PPARA: variants seen among roughly 807,000 people sequenced by gnomAD.
The protein encoded by PPARA is peroxisome proliferator activated receptor alpha, also known as peroxisome proliferator-activated receptor alpha.
In PPARA, 22 loss-of-function variants were observed where a neutral mutation model predicts 42.2. That is an observed-to-expected ratio of 0.52 (90% CI 0.37 to 0.74). The LOEUF is 0.74. Among genes scored for constraint, PPARA ranks in the 30% least tolerant of loss-of-function variants. The pLI is 0.00. For synonymous variants in PPARA, 242 were observed against 239.3 expected (o/e 1.01, Z -0.10); for missense variants, 465 against 608.2 (o/e 0.76, Z 2.48).
intron 1 of PPARA, among the ~76,000 whole-genome samples, chr22:46,151,493 C>T (rs563080486): frequency 2.0e-5 from 3 of 152,378 alleles, no homozygotes; most frequent in Non-Finnish European, 4.4e-5. Flanking sequence ...CGCACCCCAA[C>T]CGGGCACAAC....
At chr22:46,210,296 C>T (rs544485295) in intron 4 of PPARA, among the ~76,000 whole-genome samples, 16 of 126,154 alleles carry the variant, frequency 1.3e-4, no homozygotes, top group South Asian at 4.8e-4. Flanking sequence ...GCAACAAGAG[C>T]GAAACTCCAT....
At chr22:46,157,943 A>G (rs1166719832) in intron 2 of PPARA, among the ~76,000 whole-genome samples, 1 of 152,236 alleles carries the variant, frequency 6.6e-6, no homozygotes, top group Non-Finnish European at 1.5e-5. Flanking sequence ...ATAGACCACA[A>G]GCCAACTTTC....
chr22:46,236,599 C>G lies in PPARA; in HGVS notation c.*1219C>G, dbSNP rs1936214811. On this transcript the variant is annotated 3_prime_UTR_variant, in exon 9 of 9. Coordinates refer to ENST00000407236, the MANE Select transcript of PPARA (RefSeq NM_005036.6). The surrounding 1 kb of genome is among the most constrained non-coding windows in gnomAD (Gnocchi z 5.2). ...CAGTGTTCCTCCGGGCCCCATTTGG[C>G]AGCTCCCGTATCTTTTGTTATGTTG... The G allele has an allele frequency of 6.6e-6, 1 of 152,642 alleles. No homozygotes were observed. Among genetic ancestry groups the G allele is most frequent in the South Asian group, 2.1e-4 (1 of 4,822 alleles). 9.5% of individuals were successfully genotyped at this position (152,642 alleles called of 1,614,324 possible).
intron 3 of PPARA, among the ~76,000 whole-genome samples, chr22:46,194,416 G>A (rs1931949170): frequency 1.3e-5 from 2 of 152,090 alleles, no homozygotes; most frequent in South Asian, 4.1e-4. Context: ...TTTATTGGTC[G>A]ATGCTCCTGG....
At chr22:46,197,403 G>A (rs1173338258) in intron 3 of PPARA, among the ~76,000 whole-genome samples, 2 of 152,108 alleles carry the variant, frequency 1.3e-5, no homozygotes, top group South Asian at 2.1e-4. Context: ...CATATTGTAC[G>A]GAGCTGCGAC....
At chr22:46,223,265 A>T (rs1935139290) in intron 7 of PPARA, among the ~76,000 whole-genome samples, 1 of 152,124 alleles carries the variant, frequency 6.6e-6, no homozygotes, top group Non-Finnish European at 1.5e-5. Context: ...GAGACCACCA[A>T]GCTCTAGGAA....
chr22:46,161,444 A>G lies in PPARA; in HGVS notation c.-127+9474A>G, dbSNP rs1926152153. On this transcript the variant is annotated intron_variant, in intron 2 of 8. Coordinates refer to ENST00000407236, the MANE Select transcript of PPARA (RefSeq NM_005036.6). This position sits in a 1 kb window ranked among gnomAD's most constrained non-coding sequence, Gnocchi z 4.8. Reference sequence around the variant, plus strand: ...CGTCTCTACTAAAAATACAAAATTTAGCTGGGCATGGTATGGCTGTAGTCC... The same window carrying G: ...CGTCTCTACTAAAAATACAAAATTTGGCTGGGCATGGTATGGCTGTAGTCC... Among the ~76,000 whole-genome samples, 1 of 152,100 alleles carries G rather than the reference A, an allele frequency of 6.6e-6. No individual in the cohort carries two copies. The highest frequency in any genetic ancestry group is 2.1e-4 in the South Asian group (1 of 4,820).
Position 46,198,543 on chromosome 22 carries a change from T to C in PPARA, c.160T>C (p.Tyr54His), listed in dbSNP as rs2147385978. ...TTCTGGAAGCTTTGGCTTTACGGAA[T>C]ACCAGTATTTAGGAAGCTGTCCTGG... ...DSSGSFGFTE[Y>H]QYLGSCPGSD... The change falls in exon 4 of 9, where the codon TAC (tyrosine) becomes CAC (histidine). Residue 54 changes from tyrosine (Y) to histidine (H), a missense_variant. Coordinates refer to ENST00000407236, the MANE Select transcript of PPARA (RefSeq NM_005036.6). 6.2e-7 allele frequency: 1 copy of C among 1,614,050 alleles called. No individual in the cohort carries two copies. The highest frequency in any genetic ancestry group is 8.5e-7 in the Non-Finnish European group (1 of 1,179,994).
rs1931120436 is a variant in PPARA at position 46,188,592 on chromosome 22, G to A, written c.-42-9750G>A. On this transcript the variant is annotated intron_variant, in intron 3 of 8. Coordinates refer to ENST00000407236, the MANE Select transcript of PPARA (RefSeq NM_005036.6). The surrounding 1 kb of genome is among the most constrained non-coding windows in gnomAD (Gnocchi z 5.0). ...CTGCATTTTTCTTCTTTATAAATGG[G>A]ACCAATAATACCTACCCTGCCCTGG... is the stretch of plus-strand genomic sequence containing the variant. The A allele has an allele frequency of 6.6e-6, 1 of 152,068 alleles. No individual in the cohort carries two copies. Among genetic ancestry groups the A allele is most frequent in the Non-Finnish European group, 1.5e-5 (1 of 68,020 alleles). The allele number at this position is 152,068 out of a possible 1,614,324, so 9.4% of individuals were successfully genotyped here. A position where few individuals can be genotyped will look rare whatever the true frequency, so the allele number is the denominator to read the frequency against.
At position 46,219,874 on chromosome 22, in the gene PPARA, T is replaced by A. The variant is rs143742633; in HGVS notation, c.571T>A (p.Cys191Ser). 2.5e-6 allele frequency: 4 copies of A among 1,614,084 alleles called. No individual in the cohort carries two copies. In the African/African-American group the frequency reaches 5.3e-5, roughly 22 times the overall value. ...KAKLKAEILTCEHDIEDSETA... is the reference protein window; with the variant it reads ...KAKLKAEILTSEHDIEDSETA... ...AAAACTGAAAGCAGAAATTCTTACCTGTGAACATGACATAGAAGATTCTGA... is the reference window on the plus strand; with the variant it reads ...AAAACTGAAAGCAGAAATTCTTACCAGTGAACATGACATAGAAGATTCTGA... The change falls in exon 7 of 9, where the codon TGT (cysteine) becomes AGT (serine). Residue 191 changes from cysteine to serine, a missense_variant. Cys to Ser is a moderately radical substitution (Grantham distance 112, BLOSUM62 -1). Transcript: ENST00000407236. The surrounding 1 kb of genome is among the most constrained non-coding windows in gnomAD (Gnocchi z 4.8).
intron 4 of PPARA, among the ~76,000 whole-genome samples, chr22:46,210,655 G>C (rs1933842458): frequency 6.6e-6 from 1 of 152,072 alleles, no homozygotes; most frequent in African/African-American, 2.4e-5. Context: ...TGATGGCCAA[G>C]CTGGTTTTGA....
rs60596308 is a variant in PPARA, at chr22:46,171,924, A to G, written c.-126-4829A>G. Reference sequence around the variant, plus strand: ...AGCTTGCAGGGCCCGGGCAGAAGCTATAGGTGGTTCTGAGGTTTGCAGAGG... The same window carrying G: ...AGCTTGCAGGGCCCGGGCAGAAGCTGTAGGTGGTTCTGAGGTTTGCAGAGG... On this transcript the variant is annotated intron_variant, in intron 2 of 8. Transcript: ENST00000407236. This position sits in a 1 kb window ranked among gnomAD's most constrained non-coding sequence, Gnocchi z 5.0. Among the ~76,000 whole-genome samples the G allele has an allele frequency of 0.044, 6,755 of 152,146 alleles. 512 individuals are homozygous for G. The highest frequency in any genetic ancestry group is 0.15 in the African/African-American group (6,404 of 41,494).
chr22:46,221,560 G>A lies in PPARA; in HGVS notation c.711+1546G>A, dbSNP rs1935004151. Among the ~76,000 whole-genome samples the A allele has an allele frequency of 6.6e-6, 1 of 152,210 alleles. No individual in the cohort carries two copies. Among genetic ancestry groups the A allele is most frequent in the Non-Finnish European group, 1.5e-5 (1 of 68,038 alleles). ...CACGCCTGTCATCCCAGCACTTTGG[G>A]AGGCCAAGACAGGCGGATCACGAGG... On this transcript the variant is annotated intron_variant, in intron 7 of 8. Coordinates refer to ENST00000407236, the MANE Select transcript of PPARA (RefSeq NM_005036.6). This position sits in a 1 kb window ranked among gnomAD's most constrained non-coding sequence, Gnocchi z 5.9.
intron 4 of PPARA, among the ~76,000 whole-genome samples, chr22:46,199,585 C>T (rs920464908): frequency 2.0e-5 from 3 of 152,138 alleles, no homozygotes; most frequent in Non-Finnish European, 4.4e-5. Flanking sequence ...TCGAGGCTGC[C>T]ATGAGCTATG....
rs1179994881 is a variant in PPARA, at chr22:46,234,440, A to G, written c.1160-693A>G. Among the ~76,000 whole-genome samples the G allele has an allele frequency of 6.6e-6, 1 of 152,156 alleles. No homozygotes were observed. Among genetic ancestry groups the G allele is most frequent in the East Asian group, 1.9e-4 (1 of 5,188 alleles). On this transcript the variant is annotated intron_variant, in intron 8 of 8. Coordinates refer to ENST00000407236, the MANE Select transcript of PPARA (RefSeq NM_005036.6). This position sits in a 1 kb window ranked among gnomAD's most constrained non-coding sequence, Gnocchi z 5.8. ...TTTTCTGGACCAAGAATCAGGTCTC[A>G]TGCTTTGAGACTGTCCCAGGATGTC...
chr22:46,184,575 CTA>C lies in PPARA; in HGVS notation c.-43+7741_-43+7742del, dbSNP rs1485661208. Among the ~76,000 whole-genome samples, 2 of 152,174 alleles carry C rather than the reference CTA, an allele frequency of 1.3e-5. No individual in the cohort carries two copies. The highest frequency in any genetic ancestry group is 4.8e-5 in the African/African-American group (2 of 41,440). On this transcript the variant is annotated intron_variant, in intron 3 of 8. Transcript: ENST00000407236. This position sits in a 1 kb window ranked among gnomAD's most constrained non-coding sequence, Gnocchi z 4.4. ...TGCTGTTGGAAAATCCAAAAGTATT[CTA>C]TTTGGCCAGGCACAGTGGCTCACAC...
chr22:46,198,580 C>T lies in PPARA; in HGVS notation c.197C>T (p.Ser66Leu), dbSNP rs761216470. ...YLGSCPGSDG[S>L]VITDTLSPAS... ...GGAAGCTGTCCTGGCTCAGATGGCT[C>T]GGTCATCACGGGTAAGTGTGCCGTT... Residue 66 changes from serine (S) to leucine (L), a missense_variant, in exon 4 of 9, where the codon TCG becomes TTG. Around this residue, in one of 2 missense-constraint regions of PPARA, gnomAD observed 152 missense variants for 139.1 expected, o/e 1.09. Transcript: ENST00000407236. 1.2e-5 allele frequency: 20 copies of T among 1,612,286 alleles called. No individual in the cohort carries two copies. Among genetic ancestry groups the T allele is most frequent in the East Asian group, 4.5e-5 (2 of 44,798 alleles).
In PPARA at chr22:46,191,699, A is replaced by T. The variant is rs117195392; in HGVS notation, c.-42-6643A>T. On this transcript the variant is annotated intron_variant, in intron 3 of 8. Transcript: ENST00000407236. The surrounding 1 kb of genome is among the most constrained non-coding windows in gnomAD (Gnocchi z 4.6). Reference sequence around the variant, plus strand: ...TGGCTGCGGCGACAGAGCTGAGGTGAATTCTCACAGACCATCACTGGGTTA... The same window carrying T: ...TGGCTGCGGCGACAGAGCTGAGGTGTATTCTCACAGACCATCACTGGGTTA... 2.6e-4 allele frequency among the ~76,000 whole-genome samples: 40 copies of T among 152,166 alleles called. No homozygotes were observed. The highest frequency in any genetic ancestry group is 9.7e-4 in the African/African-American group (40 of 41,442).
rs1200414883 is a variant in PPARA at position 46,216,487 on chromosome 22, G to A, written c.369+1154G>A. Among the ~76,000 whole-genome samples the A allele has an allele frequency of 6.6e-6, 1 of 152,152 alleles. No individual in the cohort carries two copies. The highest frequency in any genetic ancestry group is 1.5e-5 in the Non-Finnish European group (1 of 68,026). On this transcript the variant is annotated intron_variant, in intron 5 of 8. Coordinates refer to ENST00000407236, the MANE Select transcript of PPARA (RefSeq NM_005036.6). This position sits in a 1 kb window ranked among gnomAD's most constrained non-coding sequence, Gnocchi z 4.5. ...TACCGTTGATCTCTGGAGCCTCCCT[G>A]AAGGCCAGGTGGGGCAGGTGTTCTC...
Sources: allele counts gnomAD v4.1 joint callset (sites outside exome capture counted in the v4.1 genomes callset), GRCh38; gene constraint gnomAD v4.1.1; regional missense constraint gnomAD v4.1.1; non-coding constraint Gnocchi (gnomAD v3.1); transcripts MANE v1.5; gene names NCBI Gene and HGNC (gene_info 2026-07-23, HGNC 2026-07-21).